ABCA13: variants seen among roughly 807,000 people sequenced by gnomAD.
The protein encoded by ABCA13 is ATP binding cassette subfamily A member 13, also known as ATP-binding cassette sub-family A member 13.
In ABCA13, 476 loss-of-function variants were observed where a neutral mutation model predicts 478.7. The ratio of observed to expected loss-of-function variants is 0.99; its 90% CI spans 0.92 to 1.07. ABCA13 has a LOEUF of 1.07. ABCA13 is among the 50% of genes least tolerant of loss of function. The pLI is 0.00. For synonymous variants in ABCA13, 2,252 were observed against 2,158.9 expected, an observed-to-expected ratio of 1.04 and a Z score of -1.20; for missense variants, 6,060 against 5,910.6, an observed-to-expected ratio of 1.03 and a Z score of -0.83.
chr7:48,452,042 A>G (rs1825106338), intron 42 of ABCA13, among the ~76,000 whole-genome samples: 1 of 152,236 alleles, frequency 6.6e-6, no homozygotes, highest in African/African-American at 2.4e-5. Flanking sequence ...TGGTTGATTC[A>G]TAACCATAAA....
At chr7:48,199,011 G>C (rs773078405) in intron 3 of ABCA13, among the ~76,000 whole-genome samples, 1 of 152,140 alleles carries the variant, frequency 6.6e-6, no homozygotes, top group Non-Finnish European at 1.5e-5. Context: ...ACTTCTCCCA[G>C]GTGAAGTTAG....
At chr7:48,497,848 T>G in intron 48 of ABCA13, among the ~76,000 whole-genome samples, 1 of 152,166 alleles carries the variant, frequency 6.6e-6, no homozygotes, top group East Asian at 1.9e-4. Context: ...AAGTATTCTT[T>G]AGTCTCATCG....
Position 48,239,253 on chromosome 7 carries a change from A to C in ABCA13, c.910A>C (p.Thr304Pro), listed in dbSNP as rs1790442097. The C allele has an allele frequency of 2.5e-6, 4 of 1,613,932 alleles. No individual in the cohort carries two copies. The highest frequency in any genetic ancestry group is 3.4e-6 in the Non-Finnish European group (4 of 1,179,846). ...ATATTGTTGTCAGATTCCCACAGAC[A>C]CTTCCTTGGAGAAGATGGTGTGTTC... ...SAELKEIPTD[T>P]SLEKMVCSVL... is the part of the protein sequence containing the mutation. Residue 304 changes from threonine (T) to proline (P), a missense_variant, in exon 9 of 62, where the codon ACT (threonine) becomes CCT (proline). By Grantham distance (38) the Thr-to-Pro change is conservative. Transcript: ENST00000435803.
chr7:48,577,858 C>T (rs902022785), intron 55 of ABCA13, among the ~76,000 whole-genome samples: 2 of 151,868 alleles, frequency 1.3e-5, no homozygotes, highest in East Asian at 1.9e-4. Context: ...TAACAATGTA[C>T]GAAAAGAATT....
At chr7:48,437,031 G>A (rs554830441) in intron 42 of ABCA13, among the ~76,000 whole-genome samples, 1 of 151,914 alleles carries the variant, frequency 6.6e-6, no homozygotes, top group African/African-American at 2.4e-5. Context: ...TGTCATTTAC[G>A]TACAATAGTT....
chr7:48,615,166 T>TA (rs1482104525), intron 58 of ABCA13, 119 bp from the exon 59 acceptor site: 4 of 515,832 alleles, frequency 7.8e-6, no homozygotes, highest in African/African-American at 2.0e-5. Flanking sequence ...GATTTCTGTG[T>TA]AAAAAAATTA....
intron 8 of ABCA13, among the ~76,000 whole-genome samples, chr7:48,236,205 G>C (rs888819938): frequency 3.3e-5 from 5 of 152,150 alleles, no homozygotes; most frequent in African/African-American, 1.2e-4. Context: ...GGGAAGGTGA[G>C]GGGAGGAAAT....
chr7:48,270,501 G>A (rs922038195), intron 16 of ABCA13, among the ~76,000 whole-genome samples: 3 of 152,152 alleles, frequency 2.0e-5, no homozygotes, highest in African/African-American at 7.2e-5. Context: ...AAGGCACAAT[G>A]ACTTGGATGG....
At position 48,647,231 on chromosome 7, in the gene ABCA13, G is replaced by T. The variant is rs1474471166; in HGVS notation, c.*1719G>T. ...TTCCTAAATATCATTCTATACAAAA[G>T]ATATTTTTTAAACGGTAAGGATTAA... On this transcript the variant is annotated 3_prime_UTR_variant, in exon 62 of 62. Transcript: ENST00000435803. 1 of 152,076 alleles carries T rather than the reference G, an allele frequency of 6.6e-6. No individual in the cohort carries two copies. The highest frequency in any genetic ancestry group is 1.9e-4 in the East Asian group (1 of 5,190). The allele number at this position is 152,076 out of a possible 1,614,324, so 9.4% of individuals were successfully genotyped here.
chr7:48,331,393 T>G (rs187046620), intron 27 of ABCA13, among the ~76,000 whole-genome samples: 8 of 152,216 alleles, frequency 5.3e-5, no homozygotes, highest in Non-Finnish European at 1.0e-4. Flanking sequence ...TAGTTCCCTA[T>G]AATCTTCTGA....
At chr7:48,359,115 C>T (rs1361719083) in intron 31 of ABCA13, among the ~76,000 whole-genome samples, 1 of 151,934 alleles carries the variant, frequency 6.6e-6, no homozygotes, top group Admixed American at 6.5e-5. Context: ...TGCTGTCTGC[C>T]CAGTGCATTG....
chr7:48,606,795 C>A (rs913598833), intron 58 of ABCA13, among the ~76,000 whole-genome samples: 1 of 152,238 alleles, frequency 6.6e-6, no homozygotes, highest in Non-Finnish European at 1.5e-5. Flanking sequence ...ACGTTTAAGT[C>A]TGCTGAAGCT....
In ABCA13 at chr7:48,524,318, GTGTT is replaced by G; in HGVS notation, c.14125_14128del (p.Phe4709LysfsTer44). 1 of 1,613,132 alleles carries G rather than the reference GTGTT, an allele frequency of 6.2e-7. No individual in the cohort carries two copies. Among genetic ancestry groups the G allele is most frequent in the South Asian group, 1.1e-5 (1 of 90,962 alleles). On this transcript the variant is annotated frameshift_variant, in exon 54 of 62. Coordinates refer to ENST00000435803, the MANE Select transcript of ABCA13 (RefSeq NM_152701.5). LOFTEE classifies it high-confidence loss of function. The stretch of plus-strand genomic sequence containing the variant: ...AGATGTTGAAAAAGAGGAAAAGAGA[GTGTT>G]TGAAGGAAGGACCAATGGAGACATT...
In ABCA13 at chr7:48,272,299, A is replaced by T. The variant is rs188693387; in HGVS notation, c.2633A>T (p.His878Leu). ...STSFNFSQLFHSDWPKSPAMN... is the reference protein window; with the variant it reads ...STSFNFSQLFLSDWPKSPAMN... ...AGTTTTAACTTTTCCCAGTTGTTCC[A>T]TTCAGATTGGCCTAAATCACCAGCT... is the stretch of plus-strand genomic sequence containing the variant. Residue 878 changes from histidine (H) to leucine (L), a missense_variant, in exon 17 of 62, where the codon CAT (histidine) becomes CTT (leucine). By Grantham distance (99) the His-to-Leu change is moderately conservative. Around this residue, in one of 3 missense-constraint regions of ABCA13, gnomAD observed 4,423 missense variants for 4,309.1 expected, o/e 1.03. Transcript: ENST00000435803. 229 of 1,613,770 alleles carry T rather than the reference A, an allele frequency of 1.4e-4. 2 individuals carry two copies. Among genetic ancestry groups the T allele is most frequent in the African/African-American group, 2.7e-5 (2 of 75,046 alleles).
rs955673283 is a variant in ABCA13, at chr7:48,244,674, C to T, written c.1361C>T (p.Ala454Val). Residue 454 changes from alanine to valine, a missense_variant, in exon 11 of 62, where the codon GCG becomes GTG. Physicochemically the swap from Ala to Val is moderately conservative, Grantham distance 64. This residue lies in a region of ABCA13 where 4,423 missense variants were observed against 4,309.1 expected (regional missense o/e 1.03). Transcript: ENST00000435803. ...CAGCTTGATGGAGCTCTCAGAAATG[C>T]GATAGCTCAGAATTTACATTTTGTC... ...FLQLDGALRN[A>V]IAQNLHFVQE... The T allele has an allele frequency of 3.1e-6, 5 of 1,606,778 alleles. No homozygotes were observed. The highest frequency in any genetic ancestry group is 1.3e-5 in the African/African-American group (1 of 74,726).
intron 31 of ABCA13, among the ~76,000 whole-genome samples, chr7:48,362,354 A>G (rs576293258): frequency 7.0e-6 from 1 of 142,804 alleles, no homozygotes; most frequent in South Asian, 2.2e-4. Flanking sequence ...ACCTTGTTTG[A>G]TATTGAAATG....
intron 47 of ABCA13, among the ~76,000 whole-genome samples, chr7:48,486,570 G>A (rs566684647): frequency 1.4e-4 from 22 of 152,158 alleles, no homozygotes; most frequent in African/African-American, 4.3e-4. Context: ...CAAAAGCAAC[G>A]CCAACTATTT....
intron 42 of ABCA13, among the ~76,000 whole-genome samples, chr7:48,437,214 A>G (rs977866226): frequency 6.6e-6 from 1 of 151,990 alleles, no homozygotes; most frequent in Non-Finnish European, 1.5e-5. Context: ...GTATCTATGC[A>G]TCTCTAATTG....
chr7:48,250,752 G>T (rs956968629), intron 15 of ABCA13, among the ~76,000 whole-genome samples: 2 of 152,172 alleles, frequency 1.3e-5, no homozygotes, highest in Admixed American at 1.3e-4. Flanking sequence ...ATGCCAGCAT[G>T]TAAAACTTGC....
Sources: gnomAD v4.1 joint callset for allele counts (sites outside exome capture counted in the v4.1 genomes callset) on GRCh38, gnomAD v4.1.1 for gene constraint, gnomAD v4.1.1 regional missense constraint, MANE v1.5 for transcripts, NCBI Gene and HGNC (gene_info 2026-07-23, HGNC 2026-07-21) for gene names.